LPIN2: variants seen among roughly 807,000 people sequenced by gnomAD.
LPIN2 encodes the protein lipin 2.
Under a neutral mutation model 111.4 loss-of-function variants are expected in LPIN2, and 55 were observed. That is an observed-to-expected ratio of 0.49 (90% CI 0.40 to 0.62). The LOEUF (loss-of-function observed/expected upper bound fraction) is 0.62, where lower values mean the gene tolerates loss of function less well. Ranked by LOEUF, LPIN2 falls within the 20% of genes least tolerant of loss-of-function variation. The pLI is 0.00. For missense variants in LPIN2, 992 were observed against 1,112.1 expected (o/e 0.89, Z 1.54); for synonymous variants, 425 against 414.0 (o/e 1.03, Z -0.32).
intron 2 of LPIN2, among the ~76,000 whole-genome samples, chr18:2,958,368 T>C (rs2077656782): frequency 6.6e-6 from 1 of 152,054 alleles, no homozygotes; most frequent in African/African-American, 2.4e-5. Context: ...ACTACATCTC[T>C]CTAAACAGTG....
chr18:2,934,466 AT>A lies in LPIN2; in HGVS notation c.1169-17del. 1 of 1,519,930 alleles carries A rather than the reference AT, an allele frequency of 6.6e-7. No individual in the cohort carries two copies. The highest frequency in any genetic ancestry group is 1.1e-5 in the South Asian group (1 of 88,800). The allele number at this position is 1,519,930 out of a possible 1,614,324, so 94.2% of individuals were successfully genotyped here. On this transcript the variant is annotated splice_polypyrimidine_tract_variant and intron_variant, in intron 7 of 19. Coordinates refer to ENST00000677752, the MANE Select transcript of LPIN2 (RefSeq NM_001375808.2). The stretch of plus-strand genomic sequence containing the variant: ...TTGTGAACACCTGTTTAAAAAAAAA[AT>A]CAGAGGTAAGAATTTAGTTATTCTT...
At chr18:2,983,987 T>C (rs2078150020) in intron 1 of LPIN2, among the ~76,000 whole-genome samples, 1 of 152,200 alleles carries the variant, frequency 6.6e-6, no homozygotes, top group Non-Finnish European at 1.5e-5. Flanking sequence ...TCATCATTCC[T>C]TTAAAGTATT....
chr18:2,958,181 A>AAAAAAAAAAAAAAAC (rs2077652251), intron 2 of LPIN2, among the ~76,000 whole-genome samples: 1 of 147,096 alleles, frequency 6.8e-6, no homozygotes, highest in African/African-American at 2.5e-5. Flanking sequence ...AAACAGAAAA[A>AAAAAAAAAAAAAAAC]AGAAAAAAAA....
intron 1 of LPIN2, among the ~76,000 whole-genome samples, chr18:2,994,834 GCTGA>G (rs1384829872): frequency 2.0e-5 from 3 of 152,176 alleles, no homozygotes; most frequent in Non-Finnish European, 4.4e-5. Flanking sequence ...ATTGTCTGCA[GCTGA>G]GAACCACTGG....
intron 4 of LPIN2, chr18:2,946,605 G>A (rs1278321242): frequency 4.1e-5 from 35 of 844,472 alleles, no homozygotes; most frequent in Middle Eastern, 2.2e-4. Flanking sequence ...AGCCAATCCC[G>A]TGTTGCTAGC....
intron 1 of LPIN2, among the ~76,000 whole-genome samples, chr18:3,012,554 G>A (rs183537755): frequency 1.2e-4 from 19 of 152,320 alleles, no homozygotes; most frequent in Admixed American, 5.2e-4. Context: ...TGAAGGCGGA[G>A]GTACGGGGCA....
chr18:2,949,901 C>G (rs899075131), intron 4 of LPIN2, among the ~76,000 whole-genome samples: 1 of 151,900 alleles, frequency 6.6e-6, no homozygotes, highest in African/African-American at 2.4e-5. Flanking sequence ...GAATTTGAGA[C>G]CAGCCTGGGC....
intron 1 of LPIN2, among the ~76,000 whole-genome samples, chr18:2,989,015 G>A (rs56141421): frequency 0.12 from 18,334 of 152,086 alleles, 1,270 homozygotes; most frequent in South Asian, 0.17. Context: ...CACAATCCTG[G>A]CAGCCAAGCA....
chr18:2,998,415 C>G, intron 1 of LPIN2, among the ~76,000 whole-genome samples: 1 of 152,228 alleles, frequency 6.6e-6, no homozygotes, highest in East Asian at 1.9e-4. Context: ...CTTTCACTCA[C>G]TGATCTGCTC....
intron 1 of LPIN2, among the ~76,000 whole-genome samples, chr18:3,010,593 A>G (rs2078586448): frequency 6.6e-6 from 1 of 152,198 alleles, no homozygotes; most frequent in Admixed American, 6.5e-5. Flanking sequence ...TACACACTCA[A>G]CGACAGTCAC....
intron 2 of LPIN2, among the ~76,000 whole-genome samples, chr18:2,958,096 C>T (rs770599632): frequency 2.0e-4 from 25 of 125,988 alleles, no homozygotes; most frequent in Admixed American, 1.1e-3. Context: ...GAGCAGAGAT[C>T]GCCCCACTGC....
At chr18:2,930,596 CA>C (rs1314482487) in intron 9 of LPIN2, among the ~76,000 whole-genome samples, 1 of 152,154 alleles carries the variant, frequency 6.6e-6, no homozygotes, top group East Asian at 1.9e-4. Context: ...GAAAATCATA[CA>C]GGGGCCACAG....
chr18:2,923,313 G>A (rs745914790), intron 16 of LPIN2, among the ~76,000 whole-genome samples: 21 of 150,396 alleles, frequency 1.4e-4, no homozygotes, highest in Non-Finnish European at 2.1e-4. Flanking sequence ...CCAGCTACTC[G>A]GGAGACTGAG....
chr18:2,924,555 A>AT lies in LPIN2; in HGVS notation c.1939-10_1939-9insA. On this transcript the variant is annotated splice_polypyrimidine_tract_variant and intron_variant, in intron 14 of 19. Coordinates refer to ENST00000677752, the MANE Select transcript of LPIN2 (RefSeq NM_001375808.2). ...TGGAGCTTCAGTTTTGCCTTTTAAA[A>AT]AAGCATAAGAATAAAGAAAATCAGC... is the stretch of plus-strand genomic sequence containing the variant. 1.2e-6 allele frequency: 2 copies of AT among 1,614,066 alleles called. No homozygotes were observed. Among genetic ancestry groups the AT allele is most frequent in the Non-Finnish European group, 1.7e-6 (2 of 1,179,892 alleles).
At chr18:3,003,023 G>A (rs1048715901) in intron 1 of LPIN2, among the ~76,000 whole-genome samples, 8 of 152,156 alleles carry the variant, frequency 5.3e-5, no homozygotes, top group Admixed American at 2.6e-4. Context: ...AGGTGGATGC[G>A]GGCTCCAGTT....
In LPIN2 at chr18:2,919,959, C is replaced by A; in HGVS notation, c.*334G>T. On this transcript the variant is annotated 3_prime_UTR_variant, in exon 20 of 20. Transcript: ENST00000677752. The stretch of plus-strand genomic sequence containing the variant: ...ACTTCACTGTGTGCAGTGTTTTGGT[C>A]CACTCTTTTTTAGCTGCTTTTTTCT... 1 of 400,106 alleles carries A rather than the reference C, an allele frequency of 2.5e-6. No individual in the cohort carries two copies. The highest frequency in any genetic ancestry group is 4.8e-6 in the Non-Finnish European group (1 of 210,050). 24.8% of individuals were successfully genotyped at this position (400,106 alleles called of 1,614,324 possible). A position where few individuals can be genotyped will look rare whatever the true frequency, so the allele number is the denominator to read the frequency against.
chr18:2,946,234 T>C, intron 4 of LPIN2: 2 of 1,567,856 alleles, frequency 1.3e-6, no homozygotes, highest in East Asian at 2.2e-5. Flanking sequence ...TCGCGTCTAC[T>C]GTCTTAGGGG....
intron 4 of LPIN2, among the ~76,000 whole-genome samples, chr18:2,944,464 G>C (rs2077417859): frequency 6.9e-6 from 1 of 143,968 alleles, no homozygotes; most frequent in Admixed American, 7.4e-5. Flanking sequence ...CCATTCTCCT[G>C]CCTCAGCCTC....
intron 1 of LPIN2, among the ~76,000 whole-genome samples, chr18:2,997,626 A>C (rs1264553223): frequency 1.3e-5 from 2 of 152,160 alleles, no homozygotes; most frequent in Non-Finnish European, 2.9e-5. Flanking sequence ...CAAACCTTAC[A>C]TATGGCATCA....
Sources: allele counts gnomAD v4.1 joint callset (sites outside exome capture counted in the v4.1 genomes callset), GRCh38; gene constraint gnomAD v4.1.1; transcripts MANE v1.5; gene names NCBI Gene and HGNC (gene_info 2026-07-23, HGNC 2026-07-21).